The following EXOC6 variants were observed in gnomAD, a reference collection of about 807,000 sequenced individuals.
The protein encoded by EXOC6 is SEC15-like 1.
EXOC6 carries 60 observed loss-of-function variants against 112.5 expected under a neutral mutation model. That is an observed-to-expected ratio of 0.53 (90% CI 0.43 to 0.66). The LOEUF is 0.66. Ranked by LOEUF, EXOC6 falls within the 30% of genes least tolerant of loss-of-function variation. The probability of loss-of-function intolerance (pLI) is 0.00; values close to 1 mark genes in which losing one functional copy is unlikely to be tolerated. For missense variants in EXOC6, 855 were observed against 957.1 expected (o/e 0.89, Z 1.41); for synonymous variants, 295 against 308.0 (o/e 0.96, Z 0.44).
In EXOC6 at chr10:92,892,303, G is replaced by A. The variant is rs75598533; in HGVS notation, c.102-1046G>A. ...GACAGGGACTAGGAGAGTTCCACGA[G>A]TGAGCTTTCAGTTGTCCTTTCTCAG... is the stretch of plus-strand genomic sequence containing the variant. On this transcript the variant is annotated intron_variant, in intron 1 of 21. Coordinates refer to ENST00000260762, the MANE Select transcript of EXOC6 (RefSeq NM_019053.6). Among the ~76,000 whole-genome samples, 48 of 152,368 alleles carry A rather than the reference G, an allele frequency of 3.2e-4. No individual in the cohort carries two copies. In the East Asian group the frequency reaches 9.1e-3, roughly 29 times the overall value.
At chr10:92,978,837 C>G (rs1437505654) in intron 18 of EXOC6, among the ~76,000 whole-genome samples, 2 of 152,162 alleles carry the variant, frequency 1.3e-5, no homozygotes. Context: ...TCCTCTTAAG[C>G]AGAACAAGCC....
rs869208526 is a variant in EXOC6, at chr10:92,946,134, C to CA, written c.1311-2128dup. Among the ~76,000 whole-genome samples, 1,034 of 141,952 alleles carry CA rather than the reference C, an allele frequency of 7.3e-3. 10 individuals carry two copies. The highest frequency in any genetic ancestry group is 0.024 in the African/African-American group (938 of 39,008). The allele number at this position is 141,952 out of a possible 152,430, so 93.1% of individuals were successfully genotyped here. On this transcript the variant is annotated intron_variant, in intron 13 of 21. Transcript: ENST00000260762. ...TGGAACCCCGTCTCTACTAAAAAAA[C>CA]AAAAAAAAAAAATTAGCTGGGCGTG...
intron 11 of EXOC6, among the ~76,000 whole-genome samples, chr10:92,934,770 T>G (rs1192478470): frequency 6.6e-6 from 1 of 152,116 alleles, no homozygotes; most frequent in Non-Finnish European, 1.5e-5. Context: ...TAAAATAAAC[T>G]CCACCATTAA....
chr10:92,882,014 TACG>T (rs1394224703), intron 1 of EXOC6, among the ~76,000 whole-genome samples: 2 of 152,126 alleles, frequency 1.3e-5, no homozygotes, highest in Non-Finnish European at 2.9e-5. Flanking sequence ...CAGTCTCGAG[TACG>T]TCTTTATTAG....
chr10:92,833,303 G>A (rs922172264), upstream of EXOC6, among the ~76,000 whole-genome samples: 3 of 152,230 alleles, frequency 2.0e-5, no homozygotes, highest in African/African-American at 7.2e-5. Flanking sequence ...ACTTTCCCCT[G>A]AAGGTCTGTG....
At chr10:92,850,504 T>C (rs1444198043) in intron 1 of EXOC6, among the ~76,000 whole-genome samples, 1 of 152,248 alleles carries the variant, frequency 6.6e-6, no homozygotes, top group Non-Finnish European at 1.5e-5. Flanking sequence ...AAGCTACTAC[T>C]ATTTTTTCCC....
Position 92,934,198 on chromosome 10 carries a change from T to A in EXOC6, c.1019+8T>A. On this transcript the variant is annotated splice_region_variant and intron_variant, in intron 10 of 21. Coordinates refer to ENST00000260762, the MANE Select transcript of EXOC6 (RefSeq NM_019053.6). ...TTTCACTCAAATTGTAGGGTATGTA[T>A]CTAATATGGAAATAACTATTATTAA... 6.5e-7 allele frequency: 1 copy of A among 1,537,520 alleles called. No homozygotes were observed. The highest frequency in any genetic ancestry group is 8.9e-7 in the Non-Finnish European group (1 of 1,127,862).
At chr10:92,864,952 G>T (rs572547481) in intron 1 of EXOC6, among the ~76,000 whole-genome samples, 1 of 152,014 alleles carries the variant, frequency 6.6e-6, no homozygotes, top group African/African-American at 2.4e-5. Context: ...TATTAGTTTT[G>T]TTCCTTTGGA....
intron 1 of EXOC6, among the ~76,000 whole-genome samples, chr10:92,883,111 A>G (rs1430747169): frequency 1.3e-5 from 2 of 152,224 alleles, no homozygotes; most frequent in African/African-American, 4.8e-5. Context: ...AAGAACTGTA[A>G]CAATTCATGT....
At chr10:92,881,016 T>C (rs1848935795) in intron 1 of EXOC6, among the ~76,000 whole-genome samples, 1 of 152,198 alleles carries the variant, frequency 6.6e-6, no homozygotes, top group Admixed American at 6.5e-5. Context: ...GGTTGGGGTC[T>C]CGTATGTGGT....
chr10:92,893,551 G>A lies in EXOC6; in HGVS notation c.273+31G>A. On this transcript the variant is annotated intron_variant, in intron 2 of 21. Coordinates refer to ENST00000260762, the MANE Select transcript of EXOC6 (RefSeq NM_019053.6). ...AAATATGTTAAAATTATTTGCCTTTGTTCTCATTAAATTACTCAAGTCTTA... is the reference window on the plus strand; with the variant it reads ...AAATATGTTAAAATTATTTGCCTTTATTCTCATTAAATTACTCAAGTCTTA... The A allele has an allele frequency of 1.9e-6, 3 of 1,554,832 alleles. No homozygotes were observed. The South Asian group carries it at 3.6e-5, about 19-fold the overall frequency.
chr10:92,850,813 C>T (rs963815409), intron 1 of EXOC6, among the ~76,000 whole-genome samples: 1 of 152,050 alleles, frequency 6.6e-6, no homozygotes, highest in African/African-American at 2.4e-5. Context: ...GTAGACTTAT[C>T]ATTTTATTTA....
chr10:92,947,756 T>C (rs1021947060), intron 13 of EXOC6, among the ~76,000 whole-genome samples: 3 of 152,018 alleles, frequency 2.0e-5, no homozygotes, highest in Admixed American at 2.0e-4. Flanking sequence ...AAAAATAAAA[T>C]TAGCCAGGCG....
At chr10:93,029,053 C>G (rs1845152722) in intron 20 of EXOC6, among the ~76,000 whole-genome samples, 1 of 152,034 alleles carries the variant, frequency 6.6e-6, no homozygotes, top group Admixed American at 6.6e-5. Flanking sequence ...ATTGGCATAG[C>G]CACCTCAGCC....
intron 19 of EXOC6, among the ~76,000 whole-genome samples, chr10:93,006,558 A>G (rs976888305): frequency 6.6e-6 from 1 of 152,228 alleles, no homozygotes; most frequent in Non-Finnish European, 1.5e-5. Flanking sequence ...CTGACCGCAT[A>G]CAGCAGAAAA....
intron 17 of EXOC6, among the ~76,000 whole-genome samples, chr10:92,971,527 A>G (rs950647230): frequency 1.1e-4 from 17 of 151,740 alleles, no homozygotes; most frequent in African/African-American, 4.1e-4. Flanking sequence ...GGCACACACC[A>G]CCACGTGTGG....
chr10:93,052,552 GA>G (rs749121031), intron 20 of EXOC6, among the ~76,000 whole-genome samples: 3 of 152,116 alleles, frequency 2.0e-5, no homozygotes, highest in Non-Finnish European at 4.4e-5. Context: ...GATTAGTTAT[GA>G]AGGGTATTTT....
At chr10:92,833,464 T>G (rs1340945151), upstream of EXOC6, among the ~76,000 whole-genome samples, 1 of 152,158 alleles carries the variant, frequency 6.6e-6, no homozygotes, top group Non-Finnish European at 1.5e-5. Context: ...AGCTTATGTA[T>G]ATCACTGGCC....
chr10:92,838,688 C>T lies in EXOC6; in HGVS notation c.86+3864C>T, dbSNP rs118167760. On this transcript the variant is annotated intron_variant, in intron 1 of 21. Coordinates refer to the EXOC6 transcript ENST00000371552. The stretch of plus-strand genomic sequence containing the variant: ...AATTTGATGTTAGCCATGCAGATGG[C>T]GACTGAACTTAAGAAAAAAGGGAGA... Among the ~76,000 whole-genome samples the T allele has an allele frequency of 4.3e-3, 650 of 152,222 alleles. 1 individual carries two copies. Among genetic ancestry groups the T allele is most frequent in the Non-Finnish European group, 6.4e-3 (436 of 68,008 alleles).
Sources: gnomAD v4.1 joint callset for allele counts (sites outside exome capture counted in the v4.1 genomes callset) on GRCh38, gnomAD v4.1.1 for gene constraint, MANE v1.5 for transcripts, NCBI Gene and HGNC (gene_info 2026-07-23, HGNC 2026-07-21) for gene names.